NME7: variants seen among roughly 807,000 people sequenced by gnomAD.
NME7 encodes NME/NM23 family member 7, also known as nucleoside diphosphate kinase 7.
NME7 carries 41 observed loss-of-function variants against 49.1 expected under a neutral mutation model. That is an observed-to-expected ratio of 0.83 (90% CI 0.65 to 1.08). NME7 has a LOEUF of 1.08. Ranked by LOEUF, NME7 falls within the 50% of genes least tolerant of loss-of-function variation. The pLI is 0.00. For synonymous variants in NME7, 139 were observed against 150.6 expected, an observed-to-expected ratio of 0.92 and a Z score of 0.56; for missense variants, 423 against 463.4, an observed-to-expected ratio of 0.91 and a Z score of 0.80.
intron 10 of NME7, chr1:169,190,748 A>G (rs1249249527): frequency 2.6e-6 from 1 of 379,308 alleles, no homozygotes; most frequent in African/African-American, 2.2e-5. Context: ...GTTGACTCAT[A>G]CTAAAATAAA....
intron 3 of NME7, among the ~76,000 whole-genome samples, chr1:169,314,986 A>G (rs1217173952): frequency 6.6e-6 from 1 of 152,162 alleles, no homozygotes; most frequent in Non-Finnish European, 1.5e-5. Context: ...AAAAGATTCA[A>G]TTTACCAAGA....
At chr1:169,311,145 G>A (rs1406459753) in intron 3 of NME7, among the ~76,000 whole-genome samples, 4 of 151,954 alleles carry the variant, frequency 2.6e-5, no homozygotes, top group Non-Finnish European at 4.4e-5. Context: ...CTGGCCGGGC[G>A]CGGTGGCTCA....
chr1:169,179,531 C>T (rs530410669), intron 10 of NME7, among the ~76,000 whole-genome samples: 12 of 152,246 alleles, frequency 7.9e-5, no homozygotes, highest in South Asian at 2.1e-4. Flanking sequence ...CAACACTATT[C>T]ACAATAGCAA....
Position 169,132,837 on chromosome 1 carries a change from A to C in NME7, c.1099-20T>G, listed in dbSNP as rs756396458. On this transcript the variant is annotated intron_variant, in intron 11 of 11. Coordinates refer to ENST00000367811, the MANE Select transcript of NME7 (RefSeq NM_013330.5). ...TTGAACCTGAAACGGAGAAACACAT[A>C]ATTTCTTAGTTCAGACAAATTTTGG... is the stretch of plus-strand genomic sequence containing the variant. 1 of 1,612,120 alleles carries C rather than the reference A, an allele frequency of 6.2e-7. No homozygotes were observed. The highest frequency in any genetic ancestry group is 8.5e-7 in the Non-Finnish European group (1 of 1,179,116).
chr1:169,199,759 G>T (rs993749337), intron 10 of NME7, among the ~76,000 whole-genome samples: 3 of 151,894 alleles, frequency 2.0e-5, no homozygotes, highest in African/African-American at 7.3e-5. Flanking sequence ...AAAAGGAAAA[G>T]GTATAATTCA....
chr1:169,345,408 T>C (rs1311416960), intron 1 of NME7, among the ~76,000 whole-genome samples: 1 of 152,150 alleles, frequency 6.6e-6, no homozygotes, highest in Non-Finnish European at 1.5e-5. Context: ...TTTTATTTTC[T>C]AGTAGAGATG....
Position 169,223,361 on chromosome 1 carries a change from TTTAA to T in NME7, c.990+7353_990+7356del, listed in dbSNP as rs375467854. 2.4e-3 allele frequency among the ~76,000 whole-genome samples: 366 copies of T among 152,250 alleles called. 1 individual carries two copies. Among genetic ancestry groups the T allele is most frequent in the Middle Eastern group, 0.017 (5 of 294 alleles). ...TTAACTATAATGTTAAGGGTTTTTTTTTAATTAATAAATATTTTGTGGGAAGGGA... is the reference window on the plus strand; with the variant it reads ...TTAACTATAATGTTAAGGGTTTTTTTTTAATAAATATTTTGTGGGAAGGGA... On this transcript the variant is annotated intron_variant, in intron 10 of 11. Transcript: ENST00000367811.
intron 1 of NME7, among the ~76,000 whole-genome samples, chr1:169,343,799 T>C (rs1435450287): frequency 2.0e-5 from 3 of 152,168 alleles, no homozygotes; most frequent in Non-Finnish European, 4.4e-5. Context: ...TTGGCCCACA[T>C]TGAATTGATT....
At chr1:169,282,481 C>T (rs953880698) in intron 7 of NME7, among the ~76,000 whole-genome samples, 2 of 152,044 alleles carry the variant, frequency 1.3e-5, no homozygotes, top group South Asian at 2.1e-4. Context: ...TATTTCATGT[C>T]TTCTGCTAGC....
At chr1:169,236,579 C>A (rs2101827052) in intron 8 of NME7, among the ~76,000 whole-genome samples, 1 of 152,220 alleles carries the variant, frequency 6.6e-6, no homozygotes, top group South Asian at 2.1e-4. Context: ...TGTCATCCTA[C>A]AATCTTGTTA....
intron 10 of NME7, among the ~76,000 whole-genome samples, chr1:169,186,495 G>A (rs889557191): frequency 6.6e-6 from 1 of 152,166 alleles, no homozygotes; most frequent in Non-Finnish European, 1.5e-5. Context: ...AGTCTTGGGA[G>A]GGTGTATGTG....
intron 10 of NME7, among the ~76,000 whole-genome samples, chr1:169,196,871 A>G (rs1660394383): frequency 6.6e-6 from 1 of 152,206 alleles, no homozygotes; most frequent in Non-Finnish European, 1.5e-5. Flanking sequence ...TCAAGATCCC[A>G]GGATGCAGTC....
chr1:169,343,910 C>T (rs976264849), intron 1 of NME7, among the ~76,000 whole-genome samples: 3 of 152,138 alleles, frequency 2.0e-5, no homozygotes, highest in Admixed American at 6.6e-5. Flanking sequence ...CTTCACATTT[C>T]CATATCAAAT....
At chr1:169,136,813 C>T (rs56687442) in intron 11 of NME7, among the ~76,000 whole-genome samples, 112 of 152,334 alleles carry the variant, frequency 7.4e-4, no homozygotes, top group African/African-American at 2.2e-3. Context: ...TCATTTCCTT[C>T]CCAATAGCTT....
At chr1:169,275,397 T>G (rs1228736585) in intron 7 of NME7, among the ~76,000 whole-genome samples, 2 of 115,156 alleles carry the variant, frequency 1.7e-5, no homozygotes, top group Non-Finnish European at 3.8e-5. Flanking sequence ...GAGAATGGCG[T>G]GAACCCGGGA....
At chr1:169,179,087 C>G (rs1175405264) in intron 10 of NME7, among the ~76,000 whole-genome samples, 2 of 152,160 alleles carry the variant, frequency 1.3e-5, no homozygotes, top group Non-Finnish European at 2.9e-5. Context: ...TCCCAAGGTG[C>G]TGGGATTACA....
intron 7 of NME7, among the ~76,000 whole-genome samples, chr1:169,260,717 C>A (rs1172151384): frequency 2.2e-5 from 3 of 133,760 alleles, no homozygotes; most frequent in African/African-American, 7.6e-5. Context: ...AAAACCAGTA[C>A]TAGAGGATCC....
At chr1:169,171,695 C>A (rs1373635070) in intron 10 of NME7, among the ~76,000 whole-genome samples, 1 of 151,184 alleles carries the variant, frequency 6.6e-6, no homozygotes, top group Non-Finnish European at 1.5e-5. Context: ...CCCGGCGGTG[C>A]GGAGGTTGCA....
At chr1:169,330,677 C>CTAAA (rs745642403) in intron 1 of NME7, among the ~76,000 whole-genome samples, 6 of 151,368 alleles carry the variant, frequency 4.0e-5, no homozygotes, top group African/African-American at 1.5e-4. Context: ...GACTCTGTCT[C>CTAAA]TAAATAAATA....
Sources: gnomAD v4.1 joint callset for allele counts (sites outside exome capture counted in the v4.1 genomes callset) on GRCh38, gnomAD v4.1.1 for gene constraint, MANE v1.5 for transcripts, NCBI Gene and HGNC (gene_info 2026-07-23, HGNC 2026-07-21) for gene names.